CTNNA2: variants seen among roughly 807,000 people sequenced by gnomAD.
CTNNA2 encodes the protein catenin alpha-2.
Under a neutral mutation model 101.0 loss-of-function variants are expected in CTNNA2, and 42 were observed. That is an observed-to-expected ratio of 0.42 (90% CI 0.32 to 0.54). The LOEUF is 0.54. CTNNA2 is among the 20% of genes least tolerant of loss of function. The pLI is 0.14. For synonymous variants in CTNNA2, 450 were observed against 456.4 expected (o/e 0.99, Z 0.18); for missense variants, 871 against 1,223.1 (o/e 0.71, Z 4.29).
intron 18 of CTNNA2, among the ~76,000 whole-genome samples, chr2:80,632,386 G>A (rs1462224664): frequency 6.6e-6 from 1 of 151,990 alleles, no homozygotes; most frequent in East Asian, 1.9e-4. Flanking sequence ...ACCAAGGACA[G>A]GCTCATCAAT....
intron 7 of CTNNA2, among the ~76,000 whole-genome samples, chr2:80,140,497 C>G (rs1224267490): frequency 1.3e-5 from 2 of 152,114 alleles, no homozygotes; most frequent in Non-Finnish European, 2.9e-5. Flanking sequence ...TGTCCTATCC[C>G]TTCCCACCCA....
intron 2 of CTNNA2, among the ~76,000 whole-genome samples, chr2:79,298,678 C>G (rs1676038459): frequency 6.6e-6 from 1 of 152,192 alleles, no homozygotes; most frequent in East Asian, 1.9e-4. Flanking sequence ...AAAGGTCCAA[C>G]TCCCCCTTAG....
At chr2:80,248,813 A>T (rs534597517) in intron 7 of CTNNA2, among the ~76,000 whole-genome samples, 1 of 152,366 alleles carries the variant, frequency 6.6e-6, no homozygotes, top group South Asian at 2.1e-4. Context: ...GGCCCAGTTT[A>T]GTAGTGAAGC....
chr2:79,886,750 CAAAA>C (rs1168632966), intron 6 of CTNNA2, among the ~76,000 whole-genome samples: 14 of 23,240 alleles, frequency 6.0e-4, no homozygotes, highest in African/African-American at 1.9e-3. Context: ...GACTCCATCT[CAAAA>C]AAAAAAAAAA....
chr2:79,502,211 G>A (rs561687344), intron 4 of CTNNA2, among the ~76,000 whole-genome samples: 9 of 152,218 alleles, frequency 5.9e-5, no homozygotes, highest in African/African-American at 1.9e-4. Context: ...GCTAAAATTT[G>A]GAGAATATGT....
At chr2:80,560,070 AAAG>A (rs757228782) in intron 12 of CTNNA2, among the ~76,000 whole-genome samples, 1 of 6,890 alleles carries the variant, frequency 1.5e-4, no homozygotes, top group Admixed American at 2.1e-3. Context: ...AAAAAAAAAA[AAAG>A]AAAAAAGCAT....
In CTNNA2 at chr2:80,245,794, C is replaced by CTTT. The variant is rs34625586; in HGVS notation, c.1057-147390_1057-147388dup. Among the ~76,000 whole-genome samples the CTTT allele has an allele frequency of 7.0e-4, 41 of 58,958 alleles. 2 individuals carry two copies. Among genetic ancestry groups the CTTT allele is most frequent in the African/African-American group, 1.9e-3 (23 of 12,280 alleles). The allele number at this position is 58,958 out of a possible 152,430, so 38.7% of individuals were successfully genotyped here. A position where few individuals can be genotyped will look rare whatever the true frequency, so the allele number is the denominator to read the frequency against. On this transcript the variant is annotated intron_variant, in intron 7 of 18. Transcript: ENST00000402739. ...ATTTAAAACTGTGATTATGATTTAA[C>CTTT]TTTTTTTTTTTTTTTTTTTTTTTTT...
intron 4 of CTNNA2, among the ~76,000 whole-genome samples, chr2:79,445,205 G>A (rs2104522037): frequency 6.6e-6 from 1 of 152,218 alleles, no homozygotes; most frequent in Middle Eastern, 3.4e-3. Flanking sequence ...CAAATAGCCT[G>A]AACTAAAAGT....
At chr2:79,354,860 G>A (rs1299503702) in intron 3 of CTNNA2, among the ~76,000 whole-genome samples, 1 of 152,120 alleles carries the variant, frequency 6.6e-6, no homozygotes, top group Non-Finnish European at 1.5e-5. Context: ...TTCAATGTCA[G>A]TGCCTCTCTC....
At chr2:79,944,381 A>C (rs1353286446) in intron 7 of CTNNA2, among the ~76,000 whole-genome samples, 1 of 152,218 alleles carries the variant, frequency 6.6e-6, no homozygotes, top group Non-Finnish European at 1.5e-5. Flanking sequence ...TCATATATGT[A>C]CCCAACTTTA....
intron 3 of CTNNA2, among the ~76,000 whole-genome samples, chr2:79,801,992 CAAAAAA>C (rs57124311): frequency 4.7e-5 from 3 of 63,822 alleles, no homozygotes; most frequent in Non-Finnish European, 1.1e-4. Context: ...AACTCTGTCT[CAAAAAA>C]AAAAAAAAAA....
chr2:80,333,615 CT>C (rs985247830), intron 7 of CTNNA2, among the ~76,000 whole-genome samples: 4 of 152,048 alleles, frequency 2.6e-5, no homozygotes, highest in South Asian at 4.2e-4. Context: ...CAGCCACCAC[CT>C]TTTTTTTCTT....
At chr2:79,466,802 C>T (rs1007614659) in intron 4 of CTNNA2, among the ~76,000 whole-genome samples, 1 of 152,246 alleles carries the variant, frequency 6.6e-6, no homozygotes, top group African/African-American at 2.4e-5. Context: ...TCCAACAGAA[C>T]TGCAGCTGAG....
intron 4 of CTNNA2, among the ~76,000 whole-genome samples, chr2:79,442,225 A>C (rs1003907294): frequency 2.0e-5 from 3 of 152,220 alleles, no homozygotes; most frequent in African/African-American, 7.2e-5. Flanking sequence ...CTCAATAAAT[A>C]TATATTTACT....
chr2:79,604,341 G>A (rs1677744656), intron 1 of CTNNA2, among the ~76,000 whole-genome samples: 1 of 152,166 alleles, frequency 6.6e-6, no homozygotes, highest in Admixed American at 6.5e-5. Flanking sequence ...TAAGGCAGTA[G>A]CCACTAGGCT....
chr2:79,212,172 A>C (rs927611890), intron 2 of CTNNA2, among the ~76,000 whole-genome samples: 8 of 152,166 alleles, frequency 5.3e-5, no homozygotes, highest in Admixed American at 1.3e-4. Context: ...TGGGGATAGC[A>C]CCAGGAGATA....
chr2:80,515,664 T>C (rs1208373898), intron 9 of CTNNA2, among the ~76,000 whole-genome samples: 7 of 152,244 alleles, frequency 4.6e-5, no homozygotes, highest in South Asian at 4.1e-4. Context: ...ATTCTTTAAA[T>C]TTGAAATGTG....
intron 7 of CTNNA2, among the ~76,000 whole-genome samples, chr2:79,972,008 A>G (rs968365721): frequency 1.3e-5 from 2 of 152,190 alleles, no homozygotes; most frequent in Non-Finnish European, 2.9e-5. Flanking sequence ...GGAAATGCCA[A>G]GGCTTCTTAT....
At chr2:79,757,890 T>A (rs1217711660) in intron 3 of CTNNA2, among the ~76,000 whole-genome samples, 1 of 152,224 alleles carries the variant, frequency 6.6e-6, no homozygotes, top group South Asian at 2.1e-4. Context: ...GCATGTAAAG[T>A]ACTTAGCAAC....
Sources: gnomAD v4.1 joint callset for allele counts (sites outside exome capture counted in the v4.1 genomes callset) on GRCh38, gnomAD v4.1.1 for gene constraint, MANE v1.5 for transcripts, NCBI Gene and HGNC (gene_info 2026-07-23, HGNC 2026-07-21) for gene names.